Variants in NFX1 observed in about 807,000 individuals in gnomAD.
The protein encoded by NFX1 is nuclear transcription factor, X-box binding 1.
A neutral mutation model predicts 137.2 loss-of-function variants in NFX1; 69 were observed. The ratio of observed to expected loss-of-function variants is 0.50; its 90% CI spans 0.41 to 0.61. NFX1 has a LOEUF of 0.61. NFX1 is among the 20% of genes least tolerant of loss of function. NFX1 has a pLI of 0.00. For synonymous variants in NFX1, 495 were observed against 474.1 expected (o/e 1.04, Z -0.57); for missense variants, 1,167 against 1,391.0 (o/e 0.84, Z 2.56).
At chr9:33,335,450 C>A (rs1822969197) in intron 11 of NFX1, among the ~76,000 whole-genome samples, 1 of 152,064 alleles carries the variant, frequency 6.6e-6, no homozygotes, top group African/African-American at 2.4e-5. Flanking sequence ...CCAGGCTGGT[C>A]TCGAACTCCT....
At chr9:33,297,376 A>T (rs1022441068) in intron 2 of NFX1, among the ~76,000 whole-genome samples, 6 of 152,190 alleles carry the variant, frequency 3.9e-5, no homozygotes, top group African/African-American at 1.4e-4. Context: ...ACCTCAATGT[A>T]TATGTGAAGC....
At chr9:33,364,416 T>A (rs1372505228) in intron 20 of NFX1, among the ~76,000 whole-genome samples, 1 of 152,176 alleles carries the variant, frequency 6.6e-6, no homozygotes, top group Non-Finnish European at 1.5e-5. Flanking sequence ...TCCACTTCTG[T>A]CCACCCCAGT....
At chr9:33,335,581 G>T (rs1217476476) in intron 11 of NFX1, among the ~76,000 whole-genome samples, 2 of 151,922 alleles carry the variant, frequency 1.3e-5, no homozygotes, top group Admixed American at 1.3e-4. Context: ...GTCTCACTTT[G>T]TTGACCAGGC....
Position 33,328,678 on chromosome 9 carries a change from G to A in NFX1, c.2004G>A (p.Lys668=). ...VISCRCSFRT[K]ELPCTSLKSE... ...CCTGCAGATGCTCTTTCAGAACAAA[G>A]GTAAATCCTAAACAATGCTAGAGTT... Residue 668 remains lysine (K), a splice_region_variant and synonymous_variant, in exon 10 of 24, where the codon AAG becomes AAA. Coordinates refer to ENST00000379540, the MANE Select transcript of NFX1 (RefSeq NM_002504.6). The A allele has an allele frequency of 6.2e-7, 1 of 1,607,522 alleles. No homozygotes were observed. The highest frequency in any genetic ancestry group is 8.5e-7 in the Non-Finnish European group (1 of 1,174,452).
Position 33,344,080 on chromosome 9 carries a change from T to C in NFX1, c.2236T>C (p.Leu746=). 6.2e-7 allele frequency: 1 copy of C among 1,614,034 alleles called. No homozygotes were observed. Among genetic ancestry groups the C allele is most frequent in the Non-Finnish European group, 8.5e-7 (1 of 1,179,914 alleles). ...QTCWQASFDE[L]TCHCGASVIY... ...TGCTGCTCCACCAGGTTTTGATGAA[T>C]TAACCTGCCATTGTGGTGCATCAGT... The change falls in exon 14 of 24, where the codon TTA becomes CTA. Residue 746 remains leucine, a synonymous_variant. Transcript: ENST00000379540.
rs1156310216 is a variant in NFX1, at chr9:33,328,603, G to A, written c.1929G>A (p.Lys643=). ...AAGATTTCATTCATACCTGTGAAAA[G>A]CTCTGCCATGAAGGAGACTGTGGAC... ...GSLDFIHTCE[K]LCHEGDCGPC... Residue 643 remains lysine, a synonymous_variant, in exon 10 of 24, where the codon AAG becomes AAA. Coordinates refer to ENST00000379540, the MANE Select transcript of NFX1 (RefSeq NM_002504.6). 5 of 1,611,406 alleles carry A rather than the reference G, an allele frequency of 3.1e-6. No homozygotes were observed. Among genetic ancestry groups the A allele is most frequent in the Non-Finnish European group, 4.2e-6 (5 of 1,177,870 alleles).
intron 5 of NFX1, among the ~76,000 whole-genome samples, chr9:33,307,739 C>T (rs1055456415): frequency 2.6e-5 from 4 of 151,712 alleles, no homozygotes; most frequent in Admixed American, 6.6e-5. Flanking sequence ...TTTAGGGTCC[C>T]GGTCGGACAG....
intron 12 of NFX1, among the ~76,000 whole-genome samples, chr9:33,340,500 T>C (rs1200707775): frequency 6.6e-6 from 1 of 152,250 alleles, no homozygotes; most frequent in Non-Finnish European, 1.5e-5. Context: ...CATGAAGACC[T>C]CTGATGTGCT....
chr9:33,362,630 T>A (rs844238), intron 19 of NFX1, among the ~76,000 whole-genome samples: 148,452 of 150,944 alleles, frequency 0.98, 73,041 homozygotes, highest in East Asian at 1. Context: ...AAAAGGGAGG[T>A]TGAGGAGAGG....
chr9:33,294,616 T>C lies in NFX1; in HGVS notation c.222T>C (p.His74=), dbSNP rs370471178. The part of the protein sequence containing the change: ...EISAVHQHSY[H]PSGSKPKSQQ... ...CTGCTGTTCATCAGCATAGTTATCA[T>C]CCGTCAGGAAGCAAACCTAAGAGTC... The change falls in exon 2 of 24, where the codon CAT becomes CAC. Residue 74 remains histidine, a synonymous_variant. Transcript: ENST00000379540. 101 of 1,614,064 alleles carry C rather than the reference T, an allele frequency of 6.3e-5. No individual in the cohort carries two copies. The highest frequency in any genetic ancestry group is 8.2e-5 in the Non-Finnish European group (97 of 1,180,032).
chr9:33,297,483 A>G (rs1821398688), intron 2 of NFX1, among the ~76,000 whole-genome samples: 1 of 152,256 alleles, frequency 6.6e-6, no homozygotes. Flanking sequence ...GTGGCTTATG[A>G]TAACACACAT....
chr9:33,318,619 G>T, intron 7 of NFX1, 112 bp from the exon 8 acceptor site: 2 of 937,496 alleles, frequency 2.1e-6, no homozygotes, highest in Non-Finnish European at 3.4e-6. Flanking sequence ...CAGATTACAG[G>T]CATGAGCGAC....
chr9:33,323,368 A>C (rs1822455929), intron 9 of NFX1, among the ~76,000 whole-genome samples: 1 of 152,232 alleles, frequency 6.6e-6, no homozygotes, highest in African/African-American at 2.4e-5. Flanking sequence ...ATGTGCAAAG[A>C]AACAGGGAAA....
rs148542425 is a variant in NFX1, at chr9:33,306,127, G to A, written c.1271-1067G>A. Among the ~76,000 whole-genome samples the A allele has an allele frequency of 1.1e-4, 16 of 152,312 alleles. 1 individual carries two copies. In the East Asian group the frequency reaches 2.9e-3, roughly 28 times the overall value. On this transcript the variant is annotated intron_variant, in intron 4 of 23. Transcript: ENST00000379540. The stretch of plus-strand genomic sequence containing the variant: ...GCTTTTGTGATAGTCTGGAGATGAG[G>A]TTTTGGCCAGTTAGAGAGGCAGGAA...
At chr9:33,303,098 C>A in intron 3 of NFX1, 93 bp from the exon 4 acceptor site, 1 of 880,688 alleles carries the variant, frequency 1.1e-6, no homozygotes, top group Non-Finnish European at 1.8e-6. Flanking sequence ...ACCACTACTT[C>A]AATATTGTGT....
intron 17 of NFX1, chr9:33,352,955 G>C: frequency 2.3e-6 from 1 of 438,942 alleles, no homozygotes; most frequent in Non-Finnish European, 4.1e-6. Flanking sequence ...GTTTTATTGA[G>C]AGGGGTCTCG....
intron 10 of NFX1, among the ~76,000 whole-genome samples, chr9:33,329,848 G>A (rs1299651540): frequency 2.0e-5 from 3 of 151,920 alleles, no homozygotes; most frequent in Admixed American, 1.3e-4. Context: ...TAGTAGAGAC[G>A]GGATTTTGCC....
At chr9:33,357,795 T>G (rs1823861592) in intron 19 of NFX1, among the ~76,000 whole-genome samples, 1 of 151,858 alleles carries the variant, frequency 6.6e-6, no homozygotes, top group African/African-American at 2.4e-5. Context: ...ACCTCCTGCC[T>G]TGGCCCCACA....
intron 4 of NFX1, among the ~76,000 whole-genome samples, chr9:33,303,584 T>C (rs1821651420): frequency 6.6e-6 from 1 of 152,220 alleles, no homozygotes; most frequent in African/African-American, 2.4e-5. Flanking sequence ...CCCCCAGCAG[T>C]TACAGCTTTG....
Sources: gnomAD v4.1 joint callset for allele counts (sites outside exome capture counted in the v4.1 genomes callset) on GRCh38, gnomAD v4.1.1 for gene constraint, MANE v1.5 for transcripts, NCBI Gene and HGNC (gene_info 2026-07-23, HGNC 2026-07-21) for gene names.